ZFHX3: variants seen among roughly 807,000 people sequenced by gnomAD.
The protein encoded by ZFHX3 is zinc finger homeobox protein 3.
In ZFHX3, 42 loss-of-function variants were observed where a neutral mutation model predicts 279.1. The observed-to-expected ratio is 0.15, with a 90% CI of 0.12 to 0.19. ZFHX3 has a LOEUF of 0.19. Ranked by LOEUF, ZFHX3 falls within the 10% of genes least tolerant of loss-of-function variation. The pLI is 1.00. For synonymous variants in ZFHX3, 2,293 were observed against 1,957.8 expected, an observed-to-expected ratio of 1.17 and a Z score of -4.52; for missense variants, 4,981 against 4,754.0, an observed-to-expected ratio of 1.05 and a Z score of -1.40.
chr16:73,122,823 C>A (rs566386160), intron 7 of ZFHX3, among the ~76,000 whole-genome samples: 3 of 152,066 alleles, frequency 2.0e-5, no homozygotes, highest in Non-Finnish European at 2.9e-5. Flanking sequence ...TGCTGCCAAG[C>A]AAACAGTGGT....
At chr16:73,804,094 C>T (rs941057054) in intron 1 of ZFHX3, among the ~76,000 whole-genome samples, 36 of 152,110 alleles carry the variant, frequency 2.4e-4, no homozygotes, top group African/African-American at 8.2e-4. Context: ...GAGGCTGAGG[C>T]TCCAGTGAGC....
rs1413693600 is a variant in ZFHX3, at chr16:72,811,591, T to G, written c.3850A>C (p.Lys1284Gln). The G allele has an allele frequency of 6.3e-7, 1 of 1,598,134 alleles. No homozygotes were observed. Among genetic ancestry groups the G allele is most frequent in the African/African-American group, 1.3e-5 (1 of 74,774 alleles). Residue 1284 changes from lysine to glutamine, a missense_variant, in exon 7 of 10, where the codon AAG (lysine) becomes CAG (glutamine). Coordinates refer to ENST00000268489, the MANE Select transcript of ZFHX3 (RefSeq NM_006885.4). ...LHSVAPDCVEKLIMTVTTPEM... is the reference protein window; with the variant it reads ...LHSVAPDCVEQLIMTVTTPEM... Reference sequence around the variant, plus strand: ...GGCTGCCTTACCGTCATAATGAGCTTCTCCACGCAGTCAGGTGCCACGCTG... The same window carrying G: ...GGCTGCCTTACCGTCATAATGAGCTGCTCCACGCAGTCAGGTGCCACGCTG...
intron 1 of ZFHX3, among the ~76,000 whole-genome samples, chr16:73,806,163 C>G (rs542852573): frequency 1.3e-5 from 2 of 152,248 alleles, no homozygotes; most frequent in East Asian, 3.9e-4. Context: ...CAGAAATTGC[C>G]CCAGTGATTC....
At chr16:72,951,789 C>A (rs1392086939) in intron 2 of ZFHX3, among the ~76,000 whole-genome samples, 4 of 152,214 alleles carry the variant, frequency 2.6e-5, no homozygotes, top group Non-Finnish European at 5.9e-5. Context: ...TGAGAACAAT[C>A]TATGGCTGTG....
At chr16:73,687,879 T>A (rs2053107158) in intron 1 of ZFHX3, among the ~76,000 whole-genome samples, 1 of 148,670 alleles carries the variant, frequency 6.7e-6, no homozygotes, top group East Asian at 2.0e-4. Flanking sequence ...ACAGATTTAG[T>A]AGCTATTAAT....
upstream of ZFHX3, among the ~76,000 whole-genome samples, chr16:73,049,935 A>G (rs969294584): frequency 6.6e-6 from 1 of 152,200 alleles, no homozygotes; most frequent in African/African-American, 2.4e-5. Flanking sequence ...AGACATGAAG[A>G]TGACGTATGC....
chr16:73,656,189 C>T (rs923402759), intron 2 of ZFHX3, among the ~76,000 whole-genome samples: 4 of 152,142 alleles, frequency 2.6e-5, no homozygotes, highest in African/African-American at 9.7e-5. Flanking sequence ...TTTCAAGCTG[C>T]GATAGCAGAA....
At chr16:73,872,692 G>A (rs2029865546) in intron 1 of ZFHX3, among the ~76,000 whole-genome samples, 1 of 141,462 alleles carries the variant, frequency 7.1e-6, no homozygotes, top group Non-Finnish European at 1.5e-5. Flanking sequence ...CCATAAACAA[G>A]GTTAATTTCA....
chr16:72,964,100 G>A (rs915489367), intron 1 of ZFHX3, among the ~76,000 whole-genome samples: 4 of 152,178 alleles, frequency 2.6e-5, no homozygotes, highest in Admixed American at 2.0e-4. Flanking sequence ...CTCTGCCGGA[G>A]GGAGAAGCAG....
rs796900360 is a variant in ZFHX3 at position 73,454,228 on chromosome 16, G to A, written c.-1291+1775C>T. On this transcript the variant is annotated intron_variant, in intron 3 of 17. Coordinates refer to the ZFHX3 transcript ENST00000641206. The stretch of plus-strand genomic sequence containing the variant: ...AATAGATAAGAGAAACATTCTAAGA[G>A]TCTACAGTATGCACCATGTCTTTGT... 1.2e-4 allele frequency among the ~76,000 whole-genome samples: 19 copies of A among 152,226 alleles called. 1 individual carries two copies. Among genetic ancestry groups the A allele is most frequent in the African/African-American group, 4.6e-4 (19 of 41,542 alleles).
In ZFHX3 at chr16:72,829,770, C is replaced by G; in HGVS notation, c.3529+9G>C. On this transcript the variant is annotated intron_variant, in intron 5 of 9. Transcript: ENST00000268489. ...ACACTACCTGTCCACTTGCCCTGGT[C>G]TTTCTCACCTCCGCCCTCTTGGTCC... The G allele has an allele frequency of 1.2e-6, 2 of 1,614,206 alleles. No homozygotes were observed. Among genetic ancestry groups the G allele is most frequent in the Non-Finnish European group, 1.7e-6 (2 of 1,180,038 alleles).
intron 1 of ZFHX3, among the ~76,000 whole-genome samples, chr16:73,751,273 T>C (rs1428443565): frequency 6.6e-6 from 1 of 152,218 alleles, no homozygotes; most frequent in Non-Finnish European, 1.5e-5. Flanking sequence ...GTGCCCATAC[T>C]CTATTTGGCA....
chr16:73,356,245 G>C (rs1393572654), intron 3 of ZFHX3, among the ~76,000 whole-genome samples: 1 of 152,168 alleles, frequency 6.6e-6, no homozygotes, highest in Non-Finnish European at 1.5e-5. Flanking sequence ...GGACCTAATT[G>C]ATTGCTTTTC....
chr16:72,842,346 G>A (rs552645090), intron 4 of ZFHX3, among the ~76,000 whole-genome samples: 33 of 152,168 alleles, frequency 2.2e-4, no homozygotes, highest in African/African-American at 7.9e-4. Context: ...GCCTCCCAAA[G>A]TGTTGGGATT....
At chr16:73,369,030 A>T (rs9934673) in intron 3 of ZFHX3, among the ~76,000 whole-genome samples, 132,880 of 152,212 alleles carry the variant, frequency 0.87, 58,413 homozygotes, top group Non-Finnish European at 0.91. Context: ...TCACCTATAA[A>T]ATGGTGTCAG....
At chr16:73,394,073 C>A (rs2017076812) in intron 3 of ZFHX3, among the ~76,000 whole-genome samples, 1 of 149,780 alleles carries the variant, frequency 6.7e-6, no homozygotes. Context: ...AAATAAAATT[C>A]CTATCGAAAT....
chr16:73,313,086 C>G (rs1363716957), intron 4 of ZFHX3, among the ~76,000 whole-genome samples: 1 of 152,102 alleles, frequency 6.6e-6, no homozygotes, highest in Non-Finnish European at 1.5e-5. Context: ...CCTTGCTGTT[C>G]TCATGATAGC....
At chr16:73,601,822 T>C (rs2052121486) in intron 2 of ZFHX3, among the ~76,000 whole-genome samples, 1 of 152,176 alleles carries the variant, frequency 6.6e-6, no homozygotes, top group African/African-American at 2.4e-5. Context: ...AATAGATGCT[T>C]AGAATAACAT....
chr16:72,902,561 A>G (rs1209294706), intron 3 of ZFHX3, among the ~76,000 whole-genome samples: 1 of 152,226 alleles, frequency 6.6e-6, no homozygotes, highest in Admixed American at 6.5e-5. Context: ...AGATTAACAG[A>G]AAACAACATG....
Sources: gnomAD v4.1 joint callset for allele counts (sites outside exome capture counted in the v4.1 genomes callset) on GRCh38, gnomAD v4.1.1 for gene constraint, MANE v1.5 for transcripts, NCBI Gene and HGNC (gene_info 2026-07-23, HGNC 2026-07-21) for gene names.